Variants in LRRC4C observed in about 807,000 individuals in gnomAD.
LRRC4C encodes the protein leucine rich repeat containing 4C, also known as leucine-rich repeat-containing protein 4C.
In LRRC4C, 5 loss-of-function variants were observed where a neutral mutation model predicts 33.6. That is an observed-to-expected ratio of 0.15 (90% CI 0.08 to 0.31). LRRC4C has a LOEUF of 0.31. Ranked by LOEUF, LRRC4C falls within the 10% of genes least tolerant of loss-of-function variation. The pLI is 1.00. For missense variants in LRRC4C, 560 were observed against 796.7 expected (o/e 0.70, Z 3.58); for synonymous variants, 329 against 302.0 (o/e 1.09, Z -0.93).
At chr11:41,035,108 A>G (rs938295657) in intron 1 of LRRC4C, among the ~76,000 whole-genome samples, 7 of 151,296 alleles carry the variant, frequency 4.6e-5, no homozygotes, top group African/African-American at 1.7e-4. Context: ...TGTTTAAAAA[A>G]TTCTTCCTTT....
Position 40,744,747 on chromosome 11 carries a change from G to A in LRRC4C, c.-406-96469C>T, listed in dbSNP as rs544597164. ...AATAACTTTCCAAGGTTATATCAAT[G>A]GCAATGCTATGCTGTAAGTCCAAAA... On this transcript the variant is annotated intron_variant, in intron 2 of 6. Transcript: ENST00000528697. 4.6e-5 allele frequency among the ~76,000 whole-genome samples: 7 copies of A among 152,200 alleles called. No homozygotes were observed. The South Asian group carries it at 1.5e-3, about 32-fold the overall frequency.
rs182455658 is a variant in LRRC4C at position 40,282,437 on chromosome 11, G to A, written c.-176+37191C>T. Among the ~76,000 whole-genome samples, 12 of 152,224 alleles carry A rather than the reference G, an allele frequency of 7.9e-5. No individual in the cohort carries two copies. The East Asian group carries it at 2.3e-3, about 29-fold the overall frequency. On this transcript the variant is annotated intron_variant, in intron 4 of 6. Coordinates refer to ENST00000528697, the MANE Select transcript of LRRC4C (RefSeq NM_001258419.2). ...CACGCTTTATCATAAGGAATGTAGT[G>A]GTCAGGAAATAATCCCTTTGGCAGT...
intron 3 of LRRC4C, among the ~76,000 whole-genome samples, chr11:40,578,474 A>G (rs1160914088): frequency 6.6e-6 from 1 of 152,070 alleles, no homozygotes; most frequent in Non-Finnish European, 1.5e-5. Context: ...TACTGATAAT[A>G]ATTTTTAGGT....
chr11:41,427,646 A>G (rs994381581), intron 1 of LRRC4C, among the ~76,000 whole-genome samples: 2 of 152,154 alleles, frequency 1.3e-5, no homozygotes, highest in African/African-American at 4.8e-5. Flanking sequence ...GGTGCTGTTT[A>G]AATACATGAG....
chr11:40,209,787 T>A (rs1030799305), intron 5 of LRRC4C, among the ~76,000 whole-genome samples: 7 of 152,212 alleles, frequency 4.6e-5, no homozygotes, highest in Admixed American at 1.3e-4. Context: ...CTCAAGAACT[T>A]TAATTCTAGT....
At chr11:40,983,897 T>G (rs1852723068) in intron 1 of LRRC4C, among the ~76,000 whole-genome samples, 1 of 152,184 alleles carries the variant, frequency 6.6e-6, no homozygotes, top group Admixed American at 6.5e-5. Flanking sequence ...TTGTAGTCAT[T>G]AGTCATATGT....
intron 1 of LRRC4C, among the ~76,000 whole-genome samples, chr11:41,236,579 A>G (rs911632181): frequency 6.6e-6 from 1 of 152,090 alleles, no homozygotes; most frequent in African/African-American, 2.4e-5. Context: ...TAATTGAAAA[A>G]AAAAAACCTA....
chr11:40,586,318 GTTGT>G (rs373086587), intron 3 of LRRC4C, among the ~76,000 whole-genome samples: 3 of 150,290 alleles, frequency 2.0e-5, no homozygotes, highest in African/African-American at 7.5e-5. Context: ...TTTTGATGGG[GTTGT>G]TTGTTTTTTT....
intron 5 of LRRC4C, among the ~76,000 whole-genome samples, chr11:40,236,362 T>C (rs1349724925): frequency 1.3e-5 from 2 of 152,194 alleles, no homozygotes; most frequent in Non-Finnish European, 2.9e-5. Context: ...AATTATTATT[T>C]TCCTCATATG....
intron 2 of LRRC4C, among the ~76,000 whole-genome samples, chr11:40,859,626 A>G: frequency 6.6e-6 from 1 of 152,150 alleles, no homozygotes; most frequent in East Asian, 1.9e-4. Context: ...AAAATTCAAA[A>G]AAAGAGAAAA....
chr11:40,667,304 T>C (rs1943862043), intron 2 of LRRC4C, among the ~76,000 whole-genome samples: 4 of 152,192 alleles, frequency 2.6e-5, no homozygotes, highest in Admixed American at 2.6e-4. Context: ...ATGTTATATA[T>C]GAATGATTTT....
intron 2 of LRRC4C, among the ~76,000 whole-genome samples, chr11:40,823,697 A>C (rs1034988475): frequency 3.3e-5 from 5 of 151,860 alleles, no homozygotes; most frequent in African/African-American, 9.7e-5. Context: ...AAATGATAGC[A>C]AGGATGTACA....
At chr11:40,717,846 A>G (rs563506475) in intron 2 of LRRC4C, among the ~76,000 whole-genome samples, 1 of 152,308 alleles carries the variant, frequency 6.6e-6, no homozygotes, top group African/African-American at 2.4e-5. Context: ...TCCAAGTTAC[A>G]TAAAGTATGA....
chr11:41,117,280 C>T (rs10742577), intron 1 of LRRC4C, among the ~76,000 whole-genome samples: 136,053 of 152,194 alleles, frequency 0.89, 61,683 homozygotes, highest in East Asian at 1. Flanking sequence ...ATAAATTGCT[C>T]TGTTTGTAGC....
At chr11:40,991,013 A>C (rs1270968076) in intron 1 of LRRC4C, among the ~76,000 whole-genome samples, 1 of 151,720 alleles carries the variant, frequency 6.6e-6, no homozygotes, top group East Asian at 1.9e-4. Flanking sequence ...TGATATAGCA[A>C]CTATGGTTTT....
At chr11:40,457,409 A>G (rs1181646557) in intron 3 of LRRC4C, among the ~76,000 whole-genome samples, 1 of 152,156 alleles carries the variant, frequency 6.6e-6, no homozygotes, top group Non-Finnish European at 1.5e-5. Context: ...ACACTCAACT[A>G]AGTATTGCTT....
chr11:40,582,920 T>C (rs1958540542), intron 3 of LRRC4C, among the ~76,000 whole-genome samples: 1 of 152,184 alleles, frequency 6.6e-6, no homozygotes, highest in Admixed American at 6.5e-5. Flanking sequence ...AATCAGGGTA[T>C]TTAGAATACT....
At chr11:40,265,777 A>G (rs990459614) in intron 4 of LRRC4C, among the ~76,000 whole-genome samples, 1 of 152,244 alleles carries the variant, frequency 6.6e-6, no homozygotes, top group Non-Finnish European at 1.5e-5. Flanking sequence ...GCATACATAA[A>G]TAAATCATTA....
chr11:40,384,977 AT>A (rs1193138729), intron 3 of LRRC4C, among the ~76,000 whole-genome samples: 1 of 152,092 alleles, frequency 6.6e-6, no homozygotes, highest in Non-Finnish European at 1.5e-5. Flanking sequence ...TATTTTGCAT[AT>A]TTTTGTATTG....
Sources: gnomAD v4.1 joint callset for allele counts (sites outside exome capture counted in the v4.1 genomes callset) on GRCh38, gnomAD v4.1.1 for gene constraint, MANE v1.5 for transcripts, NCBI Gene and HGNC (gene_info 2026-07-23, HGNC 2026-07-21) for gene names.